PARP1: variants seen among roughly 807,000 people sequenced by gnomAD.
PARP1 encodes poly(ADP-ribose) polymerase 1, also known as poly [ADP-ribose] polymerase 1.
A neutral mutation model predicts 118.7 loss-of-function variants in PARP1; 44 were observed. That is an observed-to-expected ratio of 0.37 (90% CI 0.29 to 0.48). The LOEUF is 0.48. Ranked by LOEUF, PARP1 falls within the 20% of genes least tolerant of loss-of-function variation. The pLI is 0.99. For synonymous variants in PARP1, 492 were observed against 483.2 expected, an observed-to-expected ratio of 1.02 and a Z score of -0.24; for missense variants, 1,100 against 1,272.4, an observed-to-expected ratio of 0.86 and a Z score of 2.06.
At chr1:226,390,257 T>A (rs1026475817) in intron 4 of PARP1, among the ~76,000 whole-genome samples, 153 bp downstream of exon 4, 2 of 152,048 alleles carry the variant, frequency 1.3e-5, no homozygotes, top group African/African-American at 4.8e-5. Context: ...TGCCCCCACA[T>A]CTCTGCTGTC....
At chr1:226,374,936 A>G (rs1286444148) in intron 13 of PARP1, among the ~76,000 whole-genome samples, 1 of 152,190 alleles carries the variant, frequency 6.6e-6, no homozygotes, top group African/African-American at 2.4e-5. Flanking sequence ...CTAATAGACT[A>G]TTGAGACTCC....
In PARP1 at chr1:226,370,537, C is replaced by T. The variant is rs370628368; in HGVS notation, c.2071-20G>A. The T allele has an allele frequency of 1.9e-5, 31 of 1,601,866 alleles. No individual in the cohort carries two copies. The highest frequency in any genetic ancestry group is 8.0e-5 in the African/African-American group (6 of 74,790). Reference sequence around the variant, plus strand: ...GTCGATCTGAGGAGACAGGGGATTTCGCTCTGAAAGCTGGGCACTGTGCAG... The same window carrying T: ...GTCGATCTGAGGAGACAGGGGATTTTGCTCTGAAAGCTGGGCACTGTGCAG... On this transcript the variant is annotated intron_variant, in intron 14 of 22. Transcript: ENST00000366794.
At position 226,361,482 on chromosome 1, in the gene PARP1, T is replaced by C. The variant is rs1219278582; in HGVS notation, c.3023A>G (p.Asn1008Ser). The change falls in exon 23 of 23, where the codon AAT (asparagine) becomes AGT (serine). Residue 1008 changes from asparagine (N) to serine (S), a missense_variant. Asn to Ser is a conservative substitution (Grantham distance 46). Transcript: ENST00000366794. ...CAATTACCACAGGGAGGTCTTAAAA[T>C]TGAATTTCAGTTTCAGCAGATACTT... ...NLKYLLKLKF[N>S]FKTSLW is the part of the protein sequence containing the mutation. The C allele has an allele frequency of 5.6e-6, 9 of 1,612,080 alleles. No homozygotes were observed. The highest frequency in any genetic ancestry group is 3.3e-5 in the South Asian group (3 of 91,042).
chr1:226,392,766 T>G, intron 2 of PARP1: 2 of 602,858 alleles, frequency 3.3e-6, no homozygotes, highest in Non-Finnish European at 5.6e-6. Flanking sequence ...ATGTAAGAAT[T>G]AAATATGTAC....
intron 17 of PARP1, chr1:226,366,408 T>A: frequency 3.0e-6 from 1 of 335,374 alleles, no homozygotes; most frequent in Non-Finnish European, 5.8e-6. Context: ...CAGCTCAGCA[T>A]GAGTTAAAAC....
intron 18 of PARP1, 60 bp from the exon 19 acceptor site, chr1:226,365,214 TG>T: frequency 1.3e-6 from 2 of 1,567,798 alleles, no homozygotes; most frequent in Non-Finnish European, 1.8e-6. Context: ...TCTGGTTGAC[TG>T]AAAGACAGGA....
intron 2 of PARP1, among the ~76,000 whole-genome samples, chr1:226,394,715 G>A (rs1664882767): frequency 1.3e-5 from 2 of 152,152 alleles, no homozygotes; most frequent in African/African-American, 4.8e-5. Context: ...CAAGGCTGGA[G>A]TGTAGGCTGT....
At chr1:226,377,774 G>C (rs1664520799) in intron 12 of PARP1, among the ~76,000 whole-genome samples, 2 of 152,296 alleles carry the variant, frequency 1.3e-5, no homozygotes, top group Non-Finnish European at 2.9e-5. Context: ...GTGACCTAGA[G>C]ATGCAGGCTG....
intron 22 of PARP1, 123 bp downstream of exon 22, chr1:226,361,846 A>G (rs1664145974): frequency 5.5e-6 from 4 of 730,624 alleles, no homozygotes; most frequent in Admixed American, 4.0e-5. Context: ...AACAGTCACC[A>G]TGGGACACAC....
At chr1:226,379,875 A>G (rs1342070934) in intron 10 of PARP1, 47 bp downstream of exon 10, 11 of 1,612,116 alleles carry the variant, frequency 6.8e-6, no homozygotes, top group Non-Finnish European at 9.3e-6. Flanking sequence ...CCTGGCCACC[A>G]ATGTCCCTGG....
At chr1:226,397,321 T>C (rs1352977850) in intron 2 of PARP1, among the ~76,000 whole-genome samples, 1 of 152,148 alleles carries the variant, frequency 6.6e-6, no homozygotes, top group Admixed American at 6.6e-5. Flanking sequence ...AGCTGTCCTC[T>C]GTTAAATCTG....
At chr1:226,381,697 C>G (rs1664610762) in intron 8 of PARP1, among the ~76,000 whole-genome samples, 1 of 152,206 alleles carries the variant, frequency 6.6e-6, no homozygotes, top group African/African-American at 2.4e-5. Flanking sequence ...TCACACGGAG[C>G]TGAGCTAACT....
At chr1:226,387,077 G>A (rs974207003) in intron 5 of PARP1, among the ~76,000 whole-genome samples, 5 of 152,104 alleles carry the variant, frequency 3.3e-5, no homozygotes, top group Non-Finnish European at 5.9e-5. Flanking sequence ...CCACCTTCTG[G>A]GTTCAAGCAA....
intron 19 of PARP1, 44 bp downstream of exon 19, chr1:226,364,958 G>A: frequency 6.2e-7 from 1 of 1,608,708 alleles, no homozygotes; most frequent in Non-Finnish European, 8.5e-7. Context: ...GGAGACACCT[G>A]CAGAGACAGG....
intron 19 of PARP1, among the ~76,000 whole-genome samples, chr1:226,364,750 G>T (rs948389194): frequency 4.6e-5 from 7 of 152,260 alleles, no homozygotes; most frequent in Non-Finnish European, 7.3e-5. Context: ...CCACGTGTCT[G>T]TTCTTTGCTT....
At chr1:226,407,194 A>G (rs190466832) in intron 1 of PARP1, among the ~76,000 whole-genome samples, 9 of 152,310 alleles carry the variant, frequency 5.9e-5, no homozygotes, top group Middle Eastern at 3.4e-3. Flanking sequence ...ATGCACCAAG[A>G]GAACGCGTCT....
At chr1:226,403,430 G>A (rs558965420) in intron 1 of PARP1, among the ~76,000 whole-genome samples, 9 of 152,292 alleles carry the variant, frequency 5.9e-5, no homozygotes, top group African/African-American at 2.2e-4. Context: ...CGCCCGCCTC[G>A]GCTTCCCGAA....
intron 12 of PARP1, among the ~76,000 whole-genome samples, chr1:226,378,198 C>T (rs1298758397): frequency 6.6e-6 from 1 of 152,210 alleles, no homozygotes; most frequent in South Asian, 2.1e-4. Flanking sequence ...CCACAATCAA[C>T]GTTAGAATTT....
At position 226,368,234 on chromosome 1, in the gene PARP1, T is replaced by C; in HGVS notation, c.2242A>G (p.Lys748Glu). The change falls in exon 16 of 23, where the codon AAG (lysine) becomes GAG (glutamate). Residue 748 changes from lysine (K) to glutamate (E), a missense_variant. Transcript: ENST00000366794. ...TCTGCATTGTTCAGGAGCGGAGGCT[T>C]CTTCATCCCAAAGTCGTGGGGGATC... ...TLIPHDFGMKKPPLLNNADSV... is the reference protein window; with the variant it reads ...TLIPHDFGMKEPPLLNNADSV... The C allele has an allele frequency of 6.2e-7, 1 of 1,614,218 alleles. No homozygotes were observed. The highest frequency in any genetic ancestry group is 1.7e-5 in the Admixed American group (1 of 60,026).
Sources: allele counts gnomAD v4.1 joint callset (sites outside exome capture counted in the v4.1 genomes callset), GRCh38; gene constraint gnomAD v4.1.1; transcripts MANE v1.5; gene names NCBI Gene and HGNC (gene_info 2026-07-23, HGNC 2026-07-21).